The following CPN1 variants were observed in gnomAD, a reference collection of about 807,000 sequenced individuals.
CPN1 encodes carboxypeptidase N subunit 1.
A neutral mutation model predicts 46.4 loss-of-function variants in CPN1; 37 were observed. That is an observed-to-expected ratio of 0.80 (90% CI 0.61 to 1.05). CPN1 has a LOEUF of 1.05. Among genes scored for constraint, CPN1 ranks in the 50% least tolerant of loss-of-function variants. The probability of loss-of-function intolerance (pLI) is 0.00; values close to 1 mark genes in which losing one functional copy is unlikely to be tolerated. For missense variants in CPN1, 563 were observed against 602.6 expected (o/e 0.93, Z 0.69); for synonymous variants, 224 against 235.4 (o/e 0.95, Z 0.44).
intron 7 of CPN1, among the ~76,000 whole-genome samples, chr10:100,049,866 CCT>C (rs1264555382): frequency 1.3e-5 from 2 of 152,188 alleles, no homozygotes; most frequent in Admixed American, 6.5e-5. Flanking sequence ...TACAAACTCC[CCT>C]CCAGTAAAGG....
intron 7 of CPN1, among the ~76,000 whole-genome samples, chr10:100,052,074 A>AT (rs574139639): frequency 0.082 from 10,885 of 132,788 alleles, 521 homozygotes; most frequent in African/African-American, 0.14. Flanking sequence ...CACCCAGCTA[A>AT]TTTTTTTTTT....
Position 100,054,899 on chromosome 10 carries a change from C to T in CPN1, c.1012-453G>A, listed in dbSNP as rs1025692657. 1.6e-4 allele frequency among the ~76,000 whole-genome samples: 23 copies of T among 143,026 alleles called. 1 individual carries two copies. The highest frequency in any genetic ancestry group is 1.6e-3 in the Admixed American group (22 of 13,712). The allele number at this position is 143,026 out of a possible 152,430, so 93.8% of individuals were successfully genotyped here. A position where few individuals can be genotyped will look rare whatever the true frequency, so the allele number is the denominator to read the frequency against. On this transcript the variant is annotated intron_variant, in intron 6 of 8. Transcript: ENST00000370418. ...TGCTGTGACAGACTATAGTAAAATA[C>T]ACATAAAATAAAATTTACCATTTTA...
intron 1 of CPN1, 106 bp downstream of exon 1, chr10:100,081,297 T>C (rs1357286611): frequency 1.1e-6 from 1 of 931,552 alleles, no homozygotes; most frequent in Non-Finnish European, 1.7e-6. Flanking sequence ...AGATAATACC[T>C]TGTAGGCGGA....
At chr10:100,055,035 T>C (rs1338058703) in intron 6 of CPN1, among the ~76,000 whole-genome samples, 1 of 151,652 alleles carries the variant, frequency 6.6e-6, no homozygotes, top group African/African-American at 2.4e-5. Context: ...GTCAGGAGTT[T>C]GAGACCAGCC....
At chr10:100,067,268 C>T (rs1045674691) in intron 3 of CPN1, among the ~76,000 whole-genome samples, 6 of 152,078 alleles carry the variant, frequency 3.9e-5, no homozygotes, top group African/African-American at 1.4e-4. Context: ...AGGCGCCCAC[C>T]ACCACAGCTG....
At position 100,081,678 on chromosome 10, in the gene CPN1, C is replaced by G; in HGVS notation, c.-53G>C. The G allele has an allele frequency of 6.7e-7, 1 of 1,494,240 alleles. No individual in the cohort carries two copies. Among genetic ancestry groups the G allele is most frequent in the Non-Finnish European group, 9.2e-7 (1 of 1,082,756 alleles). The allele number at this position is 1,494,240 out of a possible 1,614,324, so 92.6% of individuals were successfully genotyped here. The stretch of plus-strand genomic sequence containing the variant: ...CTGAAACGCGCCCCACCTCCTTAAA[C>G]AACCTAGCCTCTTCACCCGCCAAAA... On this transcript the variant is annotated 5_prime_UTR_variant, in exon 1 of 9. Transcript: ENST00000370418.
intron 7 of CPN1, among the ~76,000 whole-genome samples, chr10:100,053,749 G>C (rs1486711551): frequency 1.3e-5 from 2 of 152,154 alleles, no homozygotes; most frequent in East Asian, 3.9e-4. Context: ...TACAAGTTGT[G>C]CATGATCAAG....
intron 5 of CPN1, among the ~76,000 whole-genome samples, chr10:100,060,049 A>G (rs555967911): frequency 1.3e-4 from 20 of 152,316 alleles, no homozygotes; most frequent in Non-Finnish European, 2.5e-4. Context: ...TCAAAATCAT[A>G]AAGACAAAAA....
intron 5 of CPN1, among the ~76,000 whole-genome samples, chr10:100,059,223 A>G (rs1407850991): frequency 6.6e-6 from 1 of 152,202 alleles, no homozygotes; most frequent in Non-Finnish European, 1.5e-5. Flanking sequence ...TTGTTCATCA[A>G]AAGACAGTAT....
intron 7 of CPN1, among the ~76,000 whole-genome samples, chr10:100,051,279 G>A (rs1394315016): frequency 6.6e-6 from 1 of 152,096 alleles, no homozygotes; most frequent in Non-Finnish European, 1.5e-5. Flanking sequence ...TTAAATGTCT[G>A]TAATTTACTT....
At chr10:100,051,822 C>G (rs915035264) in intron 7 of CPN1, among the ~76,000 whole-genome samples, 2 of 152,132 alleles carry the variant, frequency 1.3e-5, no homozygotes, top group Non-Finnish European at 2.9e-5. Context: ...AGCTACTGTG[C>G]CCAGCCTAAT....
Position 100,072,466 on chromosome 10 carries a change from T to C in CPN1, c.421-2597A>G, listed in dbSNP as rs117123654. 3.8e-3 allele frequency among the ~76,000 whole-genome samples: 580 copies of C among 152,310 alleles called. 1 individual carries two copies. The highest frequency in any genetic ancestry group is 6.0e-3 in the South Asian group (29 of 4,824). On this transcript the variant is annotated intron_variant, in intron 2 of 8. Transcript: ENST00000370418. Reference sequence around the variant, plus strand: ...TTAACAGACGTGAGCCACTACGGCCTTATGTTTAACTTTTTGAGAAACTGT... The same window carrying C: ...TTAACAGACGTGAGCCACTACGGCCCTATGTTTAACTTTTTGAGAAACTGT...
At chr10:100,071,470 C>A (rs1201221096) in intron 2 of CPN1, among the ~76,000 whole-genome samples, 1 of 152,184 alleles carries the variant, frequency 6.6e-6, no homozygotes, top group Admixed American at 6.5e-5. Flanking sequence ...GCCTCCTCCC[C>A]AGTCTGTCTG....
At chr10:100,077,362 C>T (rs2041521576) in intron 1 of CPN1, among the ~76,000 whole-genome samples, 1 of 151,302 alleles carries the variant, frequency 6.6e-6, no homozygotes, top group African/African-American at 2.4e-5. Context: ...TCCCAATTAG[C>T]TGGGACTACA....
intron 1 of CPN1, among the ~76,000 whole-genome samples, chr10:100,078,997 C>G (rs2041529936): frequency 1.3e-5 from 2 of 152,226 alleles, no homozygotes; most frequent in African/African-American, 2.4e-5. Flanking sequence ...CTTTGCTCTT[C>G]CCTCTGCCCG....
intron 8 of CPN1, among the ~76,000 whole-genome samples, chr10:100,044,818 C>T (rs151264812): frequency 0.021 from 3,222 of 151,914 alleles, 44 homozygotes; most frequent in Non-Finnish European, 0.032. Flanking sequence ...TCAAGCAATT[C>T]TCTTGCCTCA....
At chr10:100,060,907 T>C (rs1455230525) in intron 5 of CPN1, among the ~76,000 whole-genome samples, 2 of 152,134 alleles carry the variant, frequency 1.3e-5, no homozygotes, top group Non-Finnish European at 2.9e-5. Context: ...GTGGCACATA[T>C]ACACAATGGA....
intron 5 of CPN1, among the ~76,000 whole-genome samples, chr10:100,057,748 A>G (rs2041393389): frequency 6.6e-6 from 1 of 152,072 alleles, no homozygotes. Context: ...TGTGTTTAGT[A>G]TTTTTAGTTG....
chr10:100,072,196 G>A (rs758401633), intron 2 of CPN1, among the ~76,000 whole-genome samples: 1 of 152,038 alleles, frequency 6.6e-6, no homozygotes, highest in African/African-American at 2.4e-5. Context: ...TTTGTTTTGA[G>A]ACAGGGTCTC....
Sources: allele counts gnomAD v4.1 joint callset (sites outside exome capture counted in the v4.1 genomes callset), GRCh38; gene constraint gnomAD v4.1.1; transcripts MANE v1.5; gene names NCBI Gene and HGNC (gene_info 2026-07-23, HGNC 2026-07-21).